The following FRMPD1 variants were observed in gnomAD, a reference collection of about 807,000 sequenced individuals.
FRMPD1 encodes the protein FERM and PDZ domain-containing protein 1.
FRMPD1 carries 76 observed loss-of-function variants against 117.8 expected under a neutral mutation model. The observed-to-expected ratio is 0.65, with a 90% CI of 0.54 to 0.78. FRMPD1 has a LOEUF of 0.78. Among genes scored for constraint, FRMPD1 ranks in the 30% least tolerant of loss-of-function variants. FRMPD1 has a pLI of 0.00. For synonymous variants in FRMPD1, 783 were observed against 770.4 expected (o/e 1.02, Z -0.27); for missense variants, 1,786 against 1,964.5 (o/e 0.91, Z 1.72).
At chr9:37,717,240 A>T (rs1166178555) in intron 5 of FRMPD1, among the ~76,000 whole-genome samples, 1 of 151,198 alleles carries the variant, frequency 6.6e-6, no homozygotes, top group Admixed American at 6.6e-5. Flanking sequence ...ATTGGCTGTT[A>T]GTGATCACTG....
upstream of FRMPD1, among the ~76,000 whole-genome samples, chr9:37,650,577 G>A (rs536576198): frequency 2.0e-5 from 3 of 152,218 alleles, no homozygotes; most frequent in Non-Finnish European, 4.4e-5. Context: ...AAAAGGAGGC[G>A]TGAGAAGGGG....
intron 2 of FRMPD1, among the ~76,000 whole-genome samples, chr9:37,695,153 G>A (rs151185469): frequency 4.6e-4 from 70 of 152,222 alleles, no homozygotes; most frequent in African/African-American, 1.5e-3. Flanking sequence ...CATATTTTCA[G>A]TTCTCCTGAG....
At chr9:37,621,727 T>C in the FRMPD1 span, among the ~76,000 whole-genome samples, 4 of 152,140 alleles carry the variant, frequency 2.6e-5, no homozygotes, top group Non-Finnish European at 4.4e-5. Flanking sequence ...AGGGAGCAGA[T>C]ATGGGCCCCT....
chr9:37,718,650 G>C (rs1238179146), intron 5 of FRMPD1, among the ~76,000 whole-genome samples: 1 of 151,744 alleles, frequency 6.6e-6, no homozygotes, highest in African/African-American at 2.4e-5. Flanking sequence ...CTGAAGGCCA[G>C]AGAGCGGCAA....
chr9:37,650,701 G>A (rs1227464910), upstream of FRMPD1, among the ~76,000 whole-genome samples: 1 of 152,124 alleles, frequency 6.6e-6, no homozygotes, highest in Non-Finnish European at 1.5e-5. Flanking sequence ...GGTACTCAGC[G>A]GACGCTGCGT....
chr9:37,691,437 C>T (rs968322421), intron 1 of FRMPD1, among the ~76,000 whole-genome samples: 6 of 152,158 alleles, frequency 3.9e-5, no homozygotes, highest in African/African-American at 1.4e-4. Flanking sequence ...TGAACATAGT[C>T]TATAGTTCAG....
At chr9:37,743,490 A>AAGCTATT (rs1285872557) in intron 15 of FRMPD1, among the ~76,000 whole-genome samples, 1 of 135,874 alleles carries the variant, frequency 7.4e-6, no homozygotes, top group African/African-American at 2.7e-5. Flanking sequence ...CTGTATTATC[A>AAGCTATT]AGCTATTGTG....
intron 12 of FRMPD1, among the ~76,000 whole-genome samples, 181 bp downstream of exon 12, chr9:37,734,006 G>A (rs544771333): frequency 8.3e-4 from 127 of 152,312 alleles, no homozygotes; most frequent in African/African-American, 2.8e-3. Flanking sequence ...TGCTACCCCT[G>A]TGATAGATGC....
chr9:37,738,754 C>A (rs2118462786), intron 14 of FRMPD1, among the ~76,000 whole-genome samples: 1 of 152,186 alleles, frequency 6.6e-6, no homozygotes, highest in East Asian at 1.9e-4. Flanking sequence ...GTGGGGGGGA[C>A]TGCTGCTGCC....
the FRMPD1 span, among the ~76,000 whole-genome samples, chr9:37,642,895 G>T: frequency 6.6e-6 from 1 of 152,102 alleles, no homozygotes; most frequent in Non-Finnish European, 1.5e-5. Flanking sequence ...CCATCTGTTT[G>T]TTCCCCATTT....
intron 6 of FRMPD1, among the ~76,000 whole-genome samples, chr9:37,720,647 C>T (rs1455149411): frequency 1.3e-5 from 2 of 149,864 alleles, no homozygotes; most frequent in African/African-American, 5.0e-5. Context: ...CGAGCCTGGG[C>T]GACAAAGCCA....
upstream of FRMPD1, among the ~76,000 whole-genome samples, chr9:37,646,659 G>GT (rs1238868974): frequency 6.6e-6 from 1 of 152,110 alleles, no homozygotes; most frequent in Non-Finnish European, 1.5e-5. Context: ...CAGGGTCGAG[G>GT]TTTTTTTAAC....
chr9:37,720,080 G>C (rs750367453), intron 6 of FRMPD1, among the ~76,000 whole-genome samples: 3 of 152,178 alleles, frequency 2.0e-5, no homozygotes, highest in Non-Finnish European at 4.4e-5. Flanking sequence ...AAAGGATCCA[G>C]GTGACATGGT....
intron 1 of FRMPD1, among the ~76,000 whole-genome samples, chr9:37,661,234 T>C: frequency 6.6e-6 from 1 of 152,150 alleles, no homozygotes. Flanking sequence ...GTCTTAGTAC[T>C]AGAGTCACAG....
chr9:37,650,928 C>T (rs918093803), upstream of FRMPD1: 1 of 149,934 alleles, frequency 6.7e-6, no homozygotes, highest in Admixed American at 6.6e-5. Flanking sequence ...CCCGGCCAAC[C>T]CCTCCGGCTG....
the FRMPD1 span, among the ~76,000 whole-genome samples, chr9:37,642,251 A>G: frequency 6.6e-6 from 1 of 152,358 alleles, no homozygotes; most frequent in African/African-American, 2.4e-5. Context: ...TGCAAAAAAG[A>G]CACATGATAC....
chr9:37,638,731 A>T, the FRMPD1 span, among the ~76,000 whole-genome samples: 4 of 152,158 alleles, frequency 2.6e-5, no homozygotes, highest in African/African-American at 9.7e-5. Context: ...CAAGTTCCCC[A>T]CTTAGTAAGA....
rs1368550299 is a variant in FRMPD1, at chr9:37,658,493, C to G, written c.-5+7399C>G. On this transcript the variant is annotated intron_variant, in intron 1 of 15. Transcript: ENST00000377765. Reference sequence around the variant, plus strand: ...TCACCTCAATCTTGGCTTAAAACAGCAGAACTGTGTCCTTGAACAGTTCTG... The same window carrying G: ...TCACCTCAATCTTGGCTTAAAACAGGAGAACTGTGTCCTTGAACAGTTCTG... Among the ~76,000 whole-genome samples, 2 of 152,296 alleles carry G rather than the reference C, an allele frequency of 1.3e-5. 1 individual carries two copies. The highest frequency in any genetic ancestry group is 3.9e-4 in the East Asian group (2 of 5,182).
At chr9:37,637,162 G>C in the FRMPD1 span, 17 of 1,609,952 alleles carry the variant, frequency 1.1e-5, 1 homozygote, top group Admixed American at 2.8e-4. Context: ...GGATCTTGAA[G>C]TCCACCCCGA....
Sources: allele counts gnomAD v4.1 joint callset (sites outside exome capture counted in the v4.1 genomes callset), GRCh38; gene constraint gnomAD v4.1.1; transcripts MANE v1.5; gene names NCBI Gene and HGNC (gene_info 2026-07-23, HGNC 2026-07-21).